GTF2B: variants seen among roughly 807,000 people sequenced by gnomAD.
GTF2B encodes the protein transcription initiation factor IIB.
Under a neutral mutation model 34.6 loss-of-function variants are expected in GTF2B, and 20 were observed. The ratio of observed to expected loss-of-function variants is 0.58; its 90% CI spans 0.41 to 0.84. The LOEUF (loss-of-function observed/expected upper bound fraction) is 0.84. GTF2B is among the 40% of genes least tolerant of loss of function. The pLI is 0.00. For missense variants in GTF2B, 237 were observed against 393.3 expected, an observed-to-expected ratio of 0.60 and a Z score of 3.36; for synonymous variants, 142 against 132.4, an observed-to-expected ratio of 1.07 and a Z score of -0.50.
intron 3 of GTF2B, among the ~76,000 whole-genome samples, chr1:88,862,341 G>A (rs901504583): frequency 6.6e-6 from 1 of 152,082 alleles, no homozygotes; most frequent in Non-Finnish European, 1.5e-5. Flanking sequence ...CCAAGAATTG[G>A]GACAAGCCTG....
chr1:88,891,002 G>A (rs1252762316), intron 1 of GTF2B, among the ~76,000 whole-genome samples: 1 of 150,622 alleles, frequency 6.6e-6, no homozygotes, highest in Non-Finnish European at 1.5e-5. Flanking sequence ...CAATGCTGAC[G>A]TTCCCAACTT....
At chr1:88,873,762 A>G (rs929354886) in intron 2 of GTF2B, among the ~76,000 whole-genome samples, 5 of 152,198 alleles carry the variant, frequency 3.3e-5, no homozygotes, top group Admixed American at 6.5e-5. Context: ...AAGTAAGGAT[A>G]CATCTTTTCT....
In GTF2B at chr1:88,860,183, A is replaced by G. The variant is rs777180677; in HGVS notation, c.362T>C (p.Ile121Thr). The G allele has an allele frequency of 6.2e-7, 1 of 1,613,986 alleles. No individual in the cohort carries two copies. The change falls in exon 4 of 7, where the codon ATC becomes ACC. Residue 121 changes from isoleucine to threonine, a missense_variant. Around this residue, in one of 3 missense-constraint regions of GTF2B, gnomAD observed 130 missense variants for 170.9 expected, o/e 0.76. Coordinates refer to ENST00000370500, the MANE Select transcript of GTF2B (RefSeq NM_001514.6). ...ATTGATTCTGTCTGCCATGGTAGTG[A>G]TTTCTTTGAATGCATTCATCATTGC... ...DRAMMNAFKE[I>T]TTMADRINLP...
intron 2 of GTF2B, among the ~76,000 whole-genome samples, chr1:88,879,620 T>C (rs1487238835): frequency 2.0e-5 from 3 of 151,636 alleles, no homozygotes; most frequent in Non-Finnish European, 4.4e-5. Flanking sequence ...TGGGCTCTCT[T>C]AGTTGCTAAC....
intron 2 of GTF2B, among the ~76,000 whole-genome samples, chr1:88,866,043 T>G (rs370984201): frequency 2.0e-5 from 3 of 151,774 alleles, no homozygotes; most frequent in Non-Finnish European, 4.4e-5. Context: ...AACCAGAGTA[T>G]AGTGATCATA....
At chr1:88,874,889 C>T (rs1292295738) in intron 2 of GTF2B, among the ~76,000 whole-genome samples, 1 of 151,190 alleles carries the variant, frequency 6.6e-6, no homozygotes, top group African/African-American at 2.4e-5. Flanking sequence ...TATTATTCAA[C>T]GTGGACAAAC....
intron 1 of GTF2B, among the ~76,000 whole-genome samples, chr1:88,890,992 C>T (rs997796957): frequency 2.0e-5 from 3 of 151,688 alleles, no homozygotes; most frequent in African/African-American, 7.3e-5. Context: ...TCTGGCTTAC[C>T]AATGCTGACG....
At chr1:88,882,408 C>T (rs1172535612) in intron 2 of GTF2B, among the ~76,000 whole-genome samples, 1 of 148,476 alleles carries the variant, frequency 6.7e-6, no homozygotes, top group Non-Finnish European at 1.5e-5. Flanking sequence ...CTCACTCGTA[C>T]ACATTATCAG....
At chr1:88,874,376 C>G (rs1296570256) in intron 2 of GTF2B, among the ~76,000 whole-genome samples, 1 of 151,714 alleles carries the variant, frequency 6.6e-6, no homozygotes, top group Non-Finnish European at 1.5e-5. Context: ...TGCAGTGACA[C>G]AATCATATCA....
chr1:88,890,635 T>C (rs1674177076), intron 1 of GTF2B, among the ~76,000 whole-genome samples: 1 of 152,186 alleles, frequency 6.6e-6, no homozygotes, highest in South Asian at 2.1e-4. Flanking sequence ...AAGTCAACAT[T>C]GGCATGACTC....
intron 2 of GTF2B, among the ~76,000 whole-genome samples, chr1:88,870,856 T>C (rs890994716): frequency 3.3e-5 from 5 of 151,654 alleles, no homozygotes; most frequent in Non-Finnish European, 5.9e-5. Flanking sequence ...GTTTATTAAA[T>C]GTCTGTCTTC....
rs1674213957 is a variant in GTF2B, at chr1:88,891,557, G to A, written c.-58C>T. 3.3e-6 allele frequency: 5 copies of A among 1,499,582 alleles called. No homozygotes were observed. Among genetic ancestry groups the A allele is most frequent in the African/African-American group, 1.4e-5 (1 of 72,596 alleles). 92.9% of individuals were successfully genotyped at this position (1,499,582 alleles called of 1,614,324 possible). On this transcript the variant is annotated 5_prime_UTR_variant, in exon 1 of 7. Coordinates refer to ENST00000370500, the MANE Select transcript of GTF2B (RefSeq NM_001514.6). ...ACAACAGACACACCGAAAGCAGGAA[G>A]CGAATGTGGCGAAGAGACGCGCAGA...
chr1:88,891,532 A>C lies in GTF2B; in HGVS notation c.-33T>G, dbSNP rs113831634. The C allele has an allele frequency of 2.8e-5, 45 of 1,592,888 alleles. No homozygotes were observed. The highest frequency in any genetic ancestry group is 3.9e-5 in the Non-Finnish European group (45 of 1,166,354). Reference sequence around the variant, plus strand: ...GCGACTGCGGTGCCCGCAACAAGACACAACAGACACACCGAAAGCAGGAAG... The same window carrying C: ...GCGACTGCGGTGCCCGCAACAAGACCCAACAGACACACCGAAAGCAGGAAG... On this transcript the variant is annotated 5_prime_UTR_variant, in exon 1 of 7. Transcript: ENST00000370500.
intron 3 of GTF2B, 61 bp from the exon 4 acceptor site, chr1:88,860,347 T>C: frequency 8.4e-7 from 1 of 1,189,210 alleles, no homozygotes; most frequent in East Asian, 2.3e-5. Context: ...ATGGACAATT[T>C]CTATGAAAAT....
chr1:88,866,028 T>C (rs969924247), intron 2 of GTF2B, among the ~76,000 whole-genome samples: 2 of 152,080 alleles, frequency 1.3e-5, no homozygotes, highest in African/African-American at 2.4e-5. Context: ...TAAATGCTCA[T>C]AAACAACCAG....
chr1:88,860,460 T>C (rs745410638), intron 3 of GTF2B, among the ~76,000 whole-genome samples, 174 bp from the exon 4 acceptor site: 17 of 151,988 alleles, frequency 1.1e-4, no homozygotes, highest in East Asian at 1.9e-4. Flanking sequence ...TTCAAGAACA[T>C]AGAAAATAGG....
chr1:88,861,129 TAAA>T (rs1387911702), intron 3 of GTF2B, among the ~76,000 whole-genome samples: 1 of 152,116 alleles, frequency 6.6e-6, no homozygotes, highest in South Asian at 2.1e-4. Flanking sequence ...TCAACCAACT[TAAA>T]AGACAAGGAA....
intron 5 of GTF2B, among the ~76,000 whole-genome samples, chr1:88,858,097 CT>C (rs1484929106): frequency 2.0e-5 from 3 of 151,976 alleles, no homozygotes; most frequent in East Asian, 3.9e-4. Flanking sequence ...CCTCTGCCCC[CT>C]GGGTTCAAGC....
intron 2 of GTF2B, among the ~76,000 whole-genome samples, chr1:88,875,384 T>C (rs1338100390): frequency 6.6e-6 from 1 of 152,136 alleles, no homozygotes; most frequent in East Asian, 1.9e-4. Flanking sequence ...TAGTGGAAAA[T>C]AGTGAGGAAA....
Sources: gnomAD v4.1 joint callset for allele counts (sites outside exome capture counted in the v4.1 genomes callset) on GRCh38, gnomAD v4.1.1 for gene constraint, gnomAD v4.1.1 regional missense constraint, MANE v1.5 for transcripts, NCBI Gene and HGNC (gene_info 2026-07-23, HGNC 2026-07-21) for gene names.